DOCK3: variants seen among roughly 807,000 people sequenced by gnomAD.
DOCK3 encodes dedicator of cytokinesis protein 3.
Under a neutral mutation model 265.6 loss-of-function variants are expected in DOCK3, and 60 were observed. The ratio of observed to expected loss-of-function variants is 0.23; its 90% confidence interval spans 0.18 to 0.28. The LOEUF is 0.28. Among genes scored for constraint, DOCK3 ranks in the 10% least tolerant of loss-of-function variants. The probability of loss-of-function intolerance (pLI) is 1.00; values close to 1 mark genes in which losing one functional copy is unlikely to be tolerated. For missense variants in DOCK3, 1,981 were observed against 2,594.3 expected, an observed-to-expected ratio of 0.76 and a Z score of 5.14; for synonymous variants, 881 against 938.0, an observed-to-expected ratio of 0.94 and a Z score of 1.11.
chr3:50,913,996 G>A (rs2049992727), intron 4 of DOCK3, among the ~76,000 whole-genome samples: 1 of 152,038 alleles, frequency 6.6e-6, no homozygotes, highest in Non-Finnish European at 1.5e-5. Context: ...GGAGAGGACA[G>A]TTGATGGAGC....
At chr3:50,846,637 G>A (rs1240130706) in intron 3 of DOCK3, among the ~76,000 whole-genome samples, 8 of 152,108 alleles carry the variant, frequency 5.3e-5, no homozygotes, top group African/African-American at 1.9e-4. Flanking sequence ...TCTGGTCCAG[G>A]ACTTGCTTTG....
intron 23 of DOCK3, among the ~76,000 whole-genome samples, chr3:51,267,922 A>G (rs1400587298): frequency 6.6e-6 from 1 of 152,176 alleles, no homozygotes; most frequent in Non-Finnish European, 1.5e-5. Flanking sequence ...GTTCTCATTC[A>G]TAAGTGGGAG....
intron 4 of DOCK3, among the ~76,000 whole-genome samples, chr3:50,924,604 A>G (rs1337922924): frequency 3.3e-5 from 5 of 152,240 alleles, no homozygotes; most frequent in Admixed American, 2.0e-4. Context: ...CCTCTTTGTC[A>G]TGAATGGGGT....
chr3:51,367,834 C>CT (rs2087343155), intron 49 of DOCK3, among the ~76,000 whole-genome samples: 1 of 152,220 alleles, frequency 6.6e-6, no homozygotes, highest in Non-Finnish European at 1.5e-5. Context: ...TCTCTTCTGG[C>CT]TTGTAGAGTT....
intron 14 of DOCK3, among the ~76,000 whole-genome samples, chr3:51,215,495 C>G (rs1211018907): frequency 1.3e-5 from 2 of 152,190 alleles, no homozygotes; most frequent in African/African-American, 4.8e-5. Context: ...CAGGCCAGAC[C>G]AGGCTAGACT....
intron 9 of DOCK3, among the ~76,000 whole-genome samples, chr3:51,137,788 G>A (rs1396180505): frequency 6.6e-6 from 1 of 152,162 alleles, no homozygotes; most frequent in African/African-American, 2.4e-5. Flanking sequence ...TTGTAATATT[G>A]CTTACTGAAG....
At chr3:50,711,024 T>C (rs1451287383) in intron 1 of DOCK3, among the ~76,000 whole-genome samples, 1 of 152,168 alleles carries the variant, frequency 6.6e-6, no homozygotes, top group East Asian at 1.9e-4. Context: ...GGTCAGGTGA[T>C]AGGTATACCA....
chr3:50,871,684 C>G (rs946518893), intron 3 of DOCK3, among the ~76,000 whole-genome samples: 1 of 152,034 alleles, frequency 6.6e-6, no homozygotes, highest in Non-Finnish European at 1.5e-5. Context: ...TTTTCTAAAA[C>G]CTGTCATCTT....
intron 12 of DOCK3, among the ~76,000 whole-genome samples, chr3:51,183,426 G>T (rs573017188): frequency 6.6e-6 from 1 of 152,054 alleles, no homozygotes; most frequent in Admixed American, 6.6e-5. Flanking sequence ...GGTTGGGGGT[G>T]GGGGGAAGAG....
chr3:50,732,512 C>T (rs1298778482), intron 1 of DOCK3, among the ~76,000 whole-genome samples: 4 of 152,120 alleles, frequency 2.6e-5, no homozygotes, highest in Admixed American at 6.6e-5. Flanking sequence ...TCAAGAGATC[C>T]TCCTGCCTCA....
intron 5 of DOCK3, among the ~76,000 whole-genome samples, chr3:51,022,507 C>T (rs1484941320): frequency 6.6e-6 from 1 of 152,154 alleles, no homozygotes; most frequent in East Asian, 1.9e-4. Context: ...ACTCCAGTTA[C>T]ATGTGTGTTA....
chr3:50,747,876 G>A (rs1204832135), intron 1 of DOCK3, among the ~76,000 whole-genome samples: 3 of 151,804 alleles, frequency 2.0e-5, no homozygotes, highest in East Asian at 1.9e-4. Flanking sequence ...AAAAAAAAGG[G>A]GGGGGGTATT....
intron 5 of DOCK3, among the ~76,000 whole-genome samples, chr3:50,977,133 G>A (rs1575659958): frequency 6.6e-6 from 1 of 151,126 alleles, no homozygotes; most frequent in Non-Finnish European, 1.5e-5. Context: ...GGAGCATTTA[G>A]TCCATTTACA....
intron 4 of DOCK3, among the ~76,000 whole-genome samples, chr3:50,918,977 A>G (rs1342743211): frequency 6.6e-6 from 1 of 152,210 alleles, no homozygotes; most frequent in Non-Finnish European, 1.5e-5. Context: ...CTTTCTATGT[A>G]TAGCTAGCCA....
chr3:50,933,952 G>A (rs2108168946), intron 4 of DOCK3, 29 bp from the exon 5 acceptor site: 2 of 1,477,122 alleles, frequency 1.4e-6, no homozygotes, highest in Non-Finnish European at 1.8e-6. Context: ...CAGAGATAAT[G>A]TGGCTGTCTT....
intron 1 of DOCK3, among the ~76,000 whole-genome samples, chr3:50,736,700 T>TC (rs1282302440): frequency 6.7e-6 from 1 of 149,618 alleles, no homozygotes; most frequent in Non-Finnish European, 1.5e-5. Context: ...AAATGTCTTT[T>TC]TTTTTTTTTT....
chr3:50,937,449 T>C (rs1238839191), intron 5 of DOCK3, among the ~76,000 whole-genome samples: 1 of 152,012 alleles, frequency 6.6e-6, no homozygotes, highest in Non-Finnish European at 1.5e-5. Flanking sequence ...GGTCAGGAGA[T>C]TGAGACCATC....
At chr3:51,248,627 G>C (rs948288748) in intron 22 of DOCK3, among the ~76,000 whole-genome samples, 1 of 152,084 alleles carries the variant, frequency 6.6e-6, no homozygotes, top group Admixed American at 6.5e-5. Flanking sequence ...CGTCTGGGCA[G>C]TGAGGAGCGT....
At chr3:51,353,486 C>T (rs1428608992) in intron 40 of DOCK3, among the ~76,000 whole-genome samples, 1 of 152,190 alleles carries the variant, frequency 6.6e-6, no homozygotes, top group Non-Finnish European at 1.5e-5. Context: ...GTGCCAGATA[C>T]CTGTAATCCC....
Sources: gnomAD v4.1 joint callset for allele counts (sites outside exome capture counted in the v4.1 genomes callset) on GRCh38, gnomAD v4.1.1 for gene constraint, MANE v1.5 for transcripts, NCBI Gene and HGNC (gene_info 2026-07-23, HGNC 2026-07-21) for gene names.